The following ALPK1 variants were observed in gnomAD, a reference collection of about 807,000 sequenced individuals.
ALPK1 encodes the protein alpha kinase 1.
A neutral mutation model predicts 120.6 loss-of-function variants in ALPK1; 110 were observed. The observed-to-expected ratio is 0.91, with a 90% confidence interval of 0.78 to 1.07. The LOEUF is 1.07. Ranked by LOEUF, ALPK1 falls within the 50% of genes least tolerant of loss-of-function variation. The pLI is 0.00. For missense variants in ALPK1, 1,498 were observed against 1,483.9 expected (o/e 1.01, Z -0.16); for synonymous variants, 582 against 560.3 (o/e 1.04, Z -0.55).
intron 4 of ALPK1, among the ~76,000 whole-genome samples, chr4:112,390,713 CCA>C (rs1355048509): frequency 6.6e-6 from 1 of 152,052 alleles, no homozygotes; most frequent in Non-Finnish European, 1.5e-5. Flanking sequence ...CATGTGTGGC[CCA>C]CAGTCAGACA....
At chr4:112,385,084 A>G (rs1732094033) in intron 4 of ALPK1, among the ~76,000 whole-genome samples, 1 of 152,212 alleles carries the variant, frequency 6.6e-6, no homozygotes. Context: ...GTGATGTGGC[A>G]CATCACTATA....
At chr4:112,436,462 G>C (rs1337756239) in intron 12 of ALPK1, among the ~76,000 whole-genome samples, 1 of 152,196 alleles carries the variant, frequency 6.6e-6, no homozygotes, top group African/African-American at 2.4e-5. Flanking sequence ...ATCTTACTTG[G>C]AAGTAGAGGG....
rs1436424228 is a variant in ALPK1, at chr4:112,435,281, T to A, written c.3168T>A (p.His1056Gln). 1.9e-6 allele frequency: 3 copies of A among 1,610,486 alleles called. No homozygotes were observed. The highest frequency in any genetic ancestry group is 2.5e-6 in the Non-Finnish European group (3 of 1,179,132). Residue 1056 changes from histidine to glutamine, a missense_variant, in exon 12 of 16, where the codon CAT becomes CAA. Transcript: ENST00000650871. Reference protein sequence around the residue: ...QRNAFWVHHLHQEEILGRYVG... With the variant: ...QRNAFWVHHLQQEEILGRYVG... ...ATGCTTTTTGGGTTCATCATCTTCA[T>A]CAAGAAGAAATTCTGGGGAGGTATT...
chr4:112,439,924 A>G (rs1335062818), intron 14 of ALPK1, 52 bp downstream of exon 14: 2 of 1,437,442 alleles, frequency 1.4e-6, no homozygotes, highest in Non-Finnish European at 1.9e-6. Flanking sequence ...GTAAATGTGA[A>G]GTTTTGTAAC....
At chr4:112,358,509 C>A in intron 2 of ALPK1, 1 of 678,354 alleles carries the variant, frequency 1.5e-6, no homozygotes, top group Non-Finnish European at 2.6e-6. Flanking sequence ...TCAGGGTCAC[C>A]AGCTGCTGGG....
chr4:112,329,112 C>A (rs777144661), intron 2 of ALPK1, among the ~76,000 whole-genome samples: 8 of 151,886 alleles, frequency 5.3e-5, no homozygotes, highest in Non-Finnish European at 1.0e-4. Flanking sequence ...ATAGTAGGTA[C>A]CTATGAAAAT....
At chr4:112,425,981 T>C (rs565908960) in intron 7 of ALPK1, 9 of 371,782 alleles carry the variant, frequency 2.4e-5, no homozygotes, top group South Asian at 2.0e-4. Flanking sequence ...TTGTATATTG[T>C]AATGTTAACT....
At chr4:112,323,590 AC>A (rs1486572238) in intron 2 of ALPK1, among the ~76,000 whole-genome samples, 6 of 152,200 alleles carry the variant, frequency 3.9e-5, no homozygotes, top group African/African-American at 1.4e-4. Flanking sequence ...GTTTTGGACA[AC>A]ATAGAACACA....
At chr4:112,426,666 C>A in intron 8 of ALPK1, 123 bp downstream of exon 8, 1 of 832,408 alleles carries the variant, frequency 1.2e-6, no homozygotes, top group Non-Finnish European at 1.8e-6. Flanking sequence ...TTATTTTTCA[C>A]AAGCATAGGG....
intron 2 of ALPK1, among the ~76,000 whole-genome samples, chr4:112,341,615 T>C (rs1729866515): frequency 1.3e-5 from 2 of 152,316 alleles, no homozygotes; most frequent in South Asian, 4.2e-4. Context: ...TATTCTCCTT[T>C]TACGTCCAAT....
chr4:112,379,425 G>A (rs1026004392), intron 3 of ALPK1, among the ~76,000 whole-genome samples: 6 of 152,212 alleles, frequency 3.9e-5, no homozygotes, highest in African/African-American at 1.4e-4. Context: ...ATAAACCGAC[G>A]GGGAAGGACG....
At chr4:112,404,073 A>G (rs946030621) in intron 4 of ALPK1, among the ~76,000 whole-genome samples, 1 of 152,216 alleles carries the variant, frequency 6.6e-6, no homozygotes, top group Non-Finnish European at 1.5e-5. Context: ...GAGCCCGCTC[A>G]TTTTCCTTTT....
intron 4 of ALPK1, among the ~76,000 whole-genome samples, chr4:112,393,129 A>C (rs1732496877): frequency 6.6e-6 from 1 of 152,218 alleles, no homozygotes; most frequent in African/African-American, 2.4e-5. Flanking sequence ...CTGGGTTTTA[A>C]ATGCAATTAA....
chr4:112,328,459 A>ATAC (rs1729213287), intron 2 of ALPK1, among the ~76,000 whole-genome samples: 1 of 152,196 alleles, frequency 6.6e-6, no homozygotes, highest in African/African-American at 2.4e-5. Context: ...ACATCTTTTG[A>ATAC]TTTAGATAAA....
intron 2 of ALPK1, among the ~76,000 whole-genome samples, chr4:112,364,759 A>G (rs893648850): frequency 6.6e-6 from 1 of 152,192 alleles, no homozygotes; most frequent in African/African-American, 2.4e-5. Flanking sequence ...ACAAAAAAAG[A>G]AAACTACAGA....
intron 1 of ALPK1, among the ~76,000 whole-genome samples, chr4:112,311,403 C>T (rs1728394720): frequency 6.6e-6 from 1 of 152,216 alleles, no homozygotes. Flanking sequence ...TATGAGTTGA[C>T]TATTATTGGT....
Position 112,361,563 on chromosome 4 carries a change from G to A in ALPK1, c.-100-16115G>A, listed in dbSNP as rs114226095. Reference sequence around the variant, plus strand: ...CCATCCCCCACAGCAGCTGCAGCAAGCCAGGGCCAAGGAGAGTCTGAGCTT... The same window carrying A: ...CCATCCCCCACAGCAGCTGCAGCAAACCAGGGCCAAGGAGAGTCTGAGCTT... On this transcript the variant is annotated intron_variant, in intron 2 of 15. Coordinates refer to ENST00000650871, the MANE Select transcript of ALPK1 (RefSeq NM_025144.4). Among the ~76,000 whole-genome samples, 496 of 152,274 alleles carry A rather than the reference G, an allele frequency of 3.3e-3. 3 individuals are homozygous for A. Among genetic ancestry groups the A allele is most frequent in the African/African-American group, 0.011 (465 of 41,552 alleles).
intron 5 of ALPK1, among the ~76,000 whole-genome samples, chr4:112,419,738 A>G (rs752152379): frequency 3.3e-5 from 5 of 152,244 alleles, no homozygotes; most frequent in African/African-American, 9.6e-5. Flanking sequence ...ATGTTGGACA[A>G]CTAATCTGAG....
rs771986487 is a variant in ALPK1 at position 112,430,567 on chromosome 4, A to T, written c.1020A>T (p.Arg340Ser). ...TTGAGATTGGCCTCCTCACCAAGAGAGATGATGAGCCTGTTACTGGAAAAC... is the reference window on the plus strand; with the variant it reads ...TTGAGATTGGCCTCCTCACCAAGAGTGATGATGAGCCTGTTACTGGAAAAC... ...EAFEIGLLTK[R>S]DDEPVTGKQE... Residue 340 changes from arginine to serine, a missense_variant, in exon 11 of 16, where the codon AGA (arginine) becomes AGT (serine). Coordinates refer to ENST00000650871, the MANE Select transcript of ALPK1 (RefSeq NM_025144.4). 3 of 1,614,052 alleles carry T rather than the reference A, an allele frequency of 1.9e-6. No homozygotes were observed. The highest frequency in any genetic ancestry group is 1.7e-6 in the Non-Finnish European group (2 of 1,180,036).
Sources: allele counts gnomAD v4.1 joint callset (sites outside exome capture counted in the v4.1 genomes callset), GRCh38; gene constraint gnomAD v4.1.1; transcripts MANE v1.5; gene names NCBI Gene and HGNC (gene_info 2026-07-23, HGNC 2026-07-21).